The following RYR3 variants were observed in gnomAD, a reference collection of about 807,000 sequenced individuals.
The protein encoded by RYR3 is ryanodine receptor 3.
RYR3 carries 207 observed loss-of-function variants against 584.3 expected under a neutral mutation model. That is an observed-to-expected ratio of 0.35 (90% confidence interval 0.32 to 0.40). RYR3 has a LOEUF of 0.40. Ranked by LOEUF, RYR3 falls within the 10% of genes least tolerant of loss-of-function variation. The probability of loss-of-function intolerance (pLI) is 1.00; values close to 1 mark genes in which losing one functional copy is unlikely to be tolerated. For missense variants in RYR3, 5,616 were observed against 6,089.2 expected, an observed-to-expected ratio of 0.92 and a Z score of 2.59; for synonymous variants, 2,416 against 2,248.5, an observed-to-expected ratio of 1.07 and a Z score of -2.11.
chr15:33,762,242 G>A (rs1040851893), intron 60 of RYR3, among the ~76,000 whole-genome samples: 6 of 152,194 alleles, frequency 3.9e-5, no homozygotes, highest in African/African-American at 1.4e-4. Flanking sequence ...CATAGTATTG[G>A]AAGTTCTGGC....
At chr15:33,574,927 G>A (rs973949676) in intron 12 of RYR3, among the ~76,000 whole-genome samples, 2 of 152,072 alleles carry the variant, frequency 1.3e-5, no homozygotes, top group Non-Finnish European at 2.9e-5. Flanking sequence ...ATAAAGGCCC[G>A]AGGAAAATTT....
chr15:33,404,131 G>A (rs12440977), intron 1 of RYR3, among the ~76,000 whole-genome samples: 67,707 of 151,654 alleles, frequency 0.45, 16,487 homozygotes, highest in South Asian at 0.62. Flanking sequence ...ATCTGGAGTG[G>A]TGCCTTTTAT....
chr15:33,610,547 A>G (rs1273447161), intron 18 of RYR3, among the ~76,000 whole-genome samples: 1 of 152,188 alleles, frequency 6.6e-6, no homozygotes, highest in African/African-American at 2.4e-5. Context: ...GGCTTTGTCA[A>G]TTACCCAAAT....
At chr15:33,474,857 CCTT>C (rs2049240540) in intron 2 of RYR3, among the ~76,000 whole-genome samples, 1 of 152,144 alleles carries the variant, frequency 6.6e-6, no homozygotes, top group African/African-American at 2.4e-5. Flanking sequence ...CCTCCAGAAG[CCTT>C]CTTGTACTTC....
Position 33,788,202 on chromosome 15 carries a change from C to T in RYR3, c.9590-16C>T, listed in dbSNP as rs2074861974. 1 of 1,612,970 alleles carries T rather than the reference C, an allele frequency of 6.2e-7. No individual in the cohort carries two copies. Among genetic ancestry groups the T allele is most frequent in the African/African-American group, 1.3e-5 (1 of 74,912 alleles). ...CATAATACGTGAAATGACGGGGAGG[C>T]TCTTTGTAAACGCAGTGTATGCACA... is the stretch of plus-strand genomic sequence containing the variant. On this transcript the variant is annotated splice_polypyrimidine_tract_variant and intron_variant, in intron 66 of 103. Coordinates refer to ENST00000634891, the MANE Select transcript of RYR3 (RefSeq NM_001036.6).
Position 33,611,294 on chromosome 15 carries a change from C to T in RYR3, c.2165-1889C>T, listed in dbSNP as rs565669676. Among the ~76,000 whole-genome samples, 27 of 152,180 alleles carry T rather than the reference C, an allele frequency of 1.8e-4. 1 individual carries two copies. The highest frequency in any genetic ancestry group is 1.2e-3 in the Admixed American group (19 of 15,294). Reference sequence around the variant, plus strand: ...GTGTGGGGCTGGGCGCGGTGGCTCACGCCTGTAATCCTAGCACTTTGGGAA... The same window carrying T: ...GTGTGGGGCTGGGCGCGGTGGCTCATGCCTGTAATCCTAGCACTTTGGGAA... On this transcript the variant is annotated intron_variant, in intron 18 of 103. Coordinates refer to ENST00000634891, the MANE Select transcript of RYR3 (RefSeq NM_001036.6).
intron 1 of RYR3, among the ~76,000 whole-genome samples, chr15:33,315,986 T>C (rs892274553): frequency 6.6e-6 from 1 of 152,214 alleles, no homozygotes; most frequent in African/African-American, 2.4e-5. Context: ...TGTTTTTTTT[T>C]CTTATGCTAC....
intron 1 of RYR3, among the ~76,000 whole-genome samples, chr15:33,454,520 C>A (rs2047388723): frequency 1.3e-5 from 2 of 152,194 alleles, no homozygotes. Context: ...TAGGCCTTAT[C>A]CTCGGCACGG....
At chr15:33,508,992 A>G (rs935974353) in intron 3 of RYR3, among the ~76,000 whole-genome samples, 4 of 152,196 alleles carry the variant, frequency 2.6e-5, no homozygotes, top group Non-Finnish European at 4.4e-5. Context: ...GTAAACATAC[A>G]TTATGCTATA....
At chr15:33,590,238 T>C (rs953519158) in intron 16 of RYR3, among the ~76,000 whole-genome samples, 3 of 152,192 alleles carry the variant, frequency 2.0e-5, no homozygotes, top group African/African-American at 7.2e-5. Context: ...TTTTCACTTC[T>C]TTTGTGATTC....
At chr15:33,861,211 G>C in intron 102 of RYR3, 33 bp downstream of exon 102, 1 of 1,496,990 alleles carries the variant, frequency 6.7e-7, no homozygotes, top group Non-Finnish European at 9.1e-7. Context: ...AGTAATGGCA[G>C]CTGTAGCGTA....
At chr15:33,449,357 A>C (rs145895892) in intron 1 of RYR3, among the ~76,000 whole-genome samples, 118 of 152,290 alleles carry the variant, frequency 7.7e-4, no homozygotes, top group Middle Eastern at 3.4e-3. Flanking sequence ...TGATCAAGCG[A>C]GACAGAAAGA....
At position 33,603,379 on chromosome 15, in the gene RYR3, A is replaced by G. The variant is rs1269932420; in HGVS notation, c.2164+15A>G. 5 of 1,533,350 alleles carry G rather than the reference A, an allele frequency of 3.3e-6. No individual in the cohort carries two copies. The South Asian group carries it at 3.9e-5, about 12-fold the overall frequency. 95.0% of individuals were successfully genotyped at this position (1,533,350 alleles called of 1,614,324 possible). Reference sequence around the variant, plus strand: ...CCTTTGGTCAGGTGAGTACCTTGCTAAAGCTTTGGCTCATAATCTCACTGG... The same window carrying G: ...CCTTTGGTCAGGTGAGTACCTTGCTGAAGCTTTGGCTCATAATCTCACTGG... On this transcript the variant is annotated intron_variant, in intron 18 of 103. Coordinates refer to ENST00000634891, the MANE Select transcript of RYR3 (RefSeq NM_001036.6).
chr15:33,710,030 G>A (rs2066984310), intron 43 of RYR3, among the ~76,000 whole-genome samples: 1 of 152,210 alleles, frequency 6.6e-6, no homozygotes, highest in Non-Finnish European at 1.5e-5. Flanking sequence ...TTATTATGGT[G>A]TTGGTAAAAT....
At chr15:33,851,026 T>G (rs948130967) in intron 94 of RYR3, 3 of 152,070 alleles carry the variant, frequency 2.0e-5, no homozygotes, top group Non-Finnish European at 2.9e-5. Flanking sequence ...GTCACTTGAA[T>G]TTTTTTTAGC....
At chr15:33,625,718 G>A (rs1326924361) in intron 20 of RYR3, among the ~76,000 whole-genome samples, 4 of 152,156 alleles carry the variant, frequency 2.6e-5, no homozygotes, top group Admixed American at 6.5e-5. Flanking sequence ...GAAAATAAGT[G>A]TCTTTGGTGA....
At chr15:33,727,607 G>A (rs1341128497) in intron 46 of RYR3, among the ~76,000 whole-genome samples, 1 of 152,190 alleles carries the variant, frequency 6.6e-6, no homozygotes, top group Non-Finnish European at 1.5e-5. Flanking sequence ...GTCAATTTCA[G>A]CCATTCAGGG....
At chr15:33,335,590 T>A (rs1039241698) in intron 1 of RYR3, among the ~76,000 whole-genome samples, 4 of 152,108 alleles carry the variant, frequency 2.6e-5, no homozygotes, top group African/African-American at 4.8e-5. Flanking sequence ...ACCTAGGTGA[T>A]GAAATCATCT....
chr15:33,321,721 C>G (rs984242124), intron 1 of RYR3, among the ~76,000 whole-genome samples: 1 of 152,144 alleles, frequency 6.6e-6, no homozygotes, highest in Admixed American at 6.5e-5. Flanking sequence ...AAAACTAAAG[C>G]AAGATTTCTT....
Sources: allele counts gnomAD v4.1 joint callset (sites outside exome capture counted in the v4.1 genomes callset), GRCh38; gene constraint gnomAD v4.1.1; transcripts MANE v1.5; gene names NCBI Gene and HGNC (gene_info 2026-07-23, HGNC 2026-07-21).